IL15: variants seen among roughly 807,000 people sequenced by gnomAD.
The protein encoded by IL15 is interleukin 15.
Under a neutral mutation model 19.6 loss-of-function variants are expected in IL15, and 11 were observed. The observed-to-expected ratio is 0.56, with a 90% CI of 0.35 to 0.93. The LOEUF (loss-of-function observed/expected upper bound fraction) is 0.93, where lower values mean the gene tolerates loss of function less well. Ranked by LOEUF, IL15 falls within the 40% of genes least tolerant of loss-of-function variation. The probability of loss-of-function intolerance (pLI) is 0.01; values close to 1 mark genes in which losing one functional copy is unlikely to be tolerated. For missense variants in IL15, 197 were observed against 186.5 expected (o/e 1.06, Z -0.33); for synonymous variants, 58 against 59.6 (o/e 0.97, Z 0.12).
intron 5 of IL15, among the ~76,000 whole-genome samples, chr4:141,722,814 A>G (rs1169659722): frequency 6.6e-6 from 1 of 152,220 alleles, no homozygotes; most frequent in Non-Finnish European, 1.5e-5. Context: ...TAAATGCCTT[A>G]ACAAAGAAAT....
In IL15 at chr4:141,669,607, G is replaced by C. The variant is rs540617102; in HGVS notation, c.-100+13300G>C. Among the ~76,000 whole-genome samples the C allele has an allele frequency of 5.9e-5, 9 of 152,212 alleles. No homozygotes were observed. In the East Asian group the frequency reaches 1.7e-3, roughly 29 times the overall value. ...GTTAAAAGAAGAGAATGTTGTCTGGGTAGAAAAATTTTGATTTTAGATTTA... is the reference window on the plus strand; with the variant it reads ...GTTAAAAGAAGAGAATGTTGTCTGGCTAGAAAAATTTTGATTTTAGATTTA... On this transcript the variant is annotated intron_variant, in intron 2 of 7. Transcript: ENST00000320650.
intron 1 of IL15, among the ~76,000 whole-genome samples, chr4:141,653,743 C>T (rs1208405418): frequency 6.6e-6 from 1 of 152,032 alleles, no homozygotes; most frequent in Non-Finnish European, 1.5e-5. Flanking sequence ...AGGTTTTTTC[C>T]ATTCTTTTGC....
chr4:141,731,136 C>T (rs777376813), intron 7 of IL15, among the ~76,000 whole-genome samples: 2 of 152,110 alleles, frequency 1.3e-5, no homozygotes, highest in Non-Finnish European at 2.9e-5. Flanking sequence ...GGGTGGACAC[C>T]TTGACTTTTC....
chr4:141,713,820 G>T (rs535465933), intron 2 of IL15, among the ~76,000 whole-genome samples: 1 of 151,942 alleles, frequency 6.6e-6, no homozygotes, highest in East Asian at 1.9e-4. Context: ...TCTCCCAATC[G>T]CTCCCTTACA....
intron 2 of IL15, among the ~76,000 whole-genome samples, chr4:141,669,485 AGAG>A (rs1385223216): frequency 2.0e-5 from 3 of 152,204 alleles, no homozygotes; most frequent in African/African-American, 7.2e-5. Flanking sequence ...AAAAGAAAAC[AGAG>A]GAGATTATCA....
chr4:141,668,863 A>G (rs1169564197), intron 2 of IL15, among the ~76,000 whole-genome samples: 1 of 152,230 alleles, frequency 6.6e-6, no homozygotes, highest in African/African-American at 2.4e-5. Flanking sequence ...ACAGGAGATT[A>G]CACTGGTTTA....
intron 2 of IL15, among the ~76,000 whole-genome samples, chr4:141,668,906 G>T (rs538444297): frequency 6.6e-6 from 1 of 152,160 alleles, no homozygotes; most frequent in East Asian, 1.9e-4. Context: ...TGCTAAAAAC[G>T]TGAATGCAAG....
intron 2 of IL15, among the ~76,000 whole-genome samples, chr4:141,667,913 C>A (rs984328783): frequency 2.6e-5 from 4 of 152,036 alleles, no homozygotes; most frequent in Non-Finnish European, 5.9e-5. Context: ...TTATTTAATT[C>A]TTTCTCTTAT....
intron 5 of IL15, among the ~76,000 whole-genome samples, chr4:141,726,102 C>A (rs1676965177): frequency 6.6e-6 from 1 of 152,116 alleles, no homozygotes; most frequent in African/African-American, 2.4e-5. Flanking sequence ...ATCCAATTAC[C>A]TCTTAAAGCC....
Position 141,729,976 on chromosome 4 carries a change from T to A in IL15, c.370T>A (p.Ser124Thr). 1 of 1,609,810 alleles carries A rather than the reference T, an allele frequency of 6.2e-7. No individual in the cohort carries two copies. ...CATCCTAGCAAACAACAGTTTGTCT[T>A]CTAATGGGGTGAGTTTTCCAACAGT... ...LIILANNSLS[S>T]NGNVTESGCK... The change falls in exon 7 of 8, where the codon TCT becomes ACT. Residue 124 changes from serine to threonine, a missense_variant. Transcript: ENST00000320650.
At position 141,732,901 on chromosome 4, in the gene IL15, T is replaced by C; in HGVS notation, c.*53T>C. On this transcript the variant is annotated 3_prime_UTR_variant, in exon 8 of 8. Transcript: ENST00000320650. ...CTGTTATTAACAAACATCACTCTGC[T>C]GCTTAGACATAACAAAACACTCGGC... 1 of 1,569,216 alleles carries C rather than the reference T, an allele frequency of 6.4e-7. No homozygotes were observed. The highest frequency in any genetic ancestry group is 8.6e-7 in the Non-Finnish European group (1 of 1,162,992).
At chr4:141,710,456 C>T (rs188364431) in intron 2 of IL15, among the ~76,000 whole-genome samples, 7 of 152,060 alleles carry the variant, frequency 4.6e-5, no homozygotes, top group East Asian at 1.9e-4. Context: ...TTAAGCATTT[C>T]GTATCATTTT....
chr4:141,656,955 A>C (rs868113541), intron 2 of IL15, among the ~76,000 whole-genome samples: 4 of 152,238 alleles, frequency 2.6e-5, no homozygotes, highest in South Asian at 2.1e-4. Context: ...AACAAAATAT[A>C]GTAAGGTATA....
intron 2 of IL15, among the ~76,000 whole-genome samples, chr4:141,704,925 A>G (rs947850429): frequency 1.4e-4 from 21 of 150,724 alleles, no homozygotes; most frequent in African/African-American, 4.9e-4. Flanking sequence ...ATCAGTTGTT[A>G]TGTCTCATTT....
intron 2 of IL15, among the ~76,000 whole-genome samples, chr4:141,710,341 T>C (rs1729674882): frequency 6.6e-6 from 1 of 152,222 alleles, no homozygotes; most frequent in East Asian, 1.9e-4. Context: ...TTTATCCATG[T>C]GCATTATCCA....
At chr4:141,690,711 T>C (rs895047853) in intron 2 of IL15, among the ~76,000 whole-genome samples, 1 of 152,178 alleles carries the variant, frequency 6.6e-6, no homozygotes, top group African/African-American at 2.4e-5. Context: ...GATCATGCCA[T>C]TACATGCATG....
intron 5 of IL15, among the ~76,000 whole-genome samples, chr4:141,722,981 A>AT (rs1442445878): frequency 3.3e-5 from 5 of 152,158 alleles, no homozygotes; most frequent in Non-Finnish European, 5.9e-5. Flanking sequence ...AAGAAAAAAA[A>AT]AGCATCACTG....
chr4:141,716,029 G>A (rs961616671), intron 2 of IL15: 3 of 152,118 alleles, frequency 2.0e-5, no homozygotes, highest in African/African-American at 2.4e-5. Flanking sequence ...GTGTGACTAC[G>A]AGTCTAAGGG....
chr4:141,637,272 T>G (rs779918046), intron 1 of IL15: 3 of 152,356 alleles, frequency 2.0e-5, no homozygotes, highest in Non-Finnish European at 4.4e-5. Context: ...AAACTCATTG[T>G]GGGCCGGTGC....
Sources: allele counts gnomAD v4.1 joint callset (sites outside exome capture counted in the v4.1 genomes callset), GRCh38; gene constraint gnomAD v4.1.1; transcripts MANE v1.5; gene names NCBI Gene and HGNC (gene_info 2026-07-23, HGNC 2026-07-21).